The following TOM1L2 variants were observed in gnomAD, a reference collection of about 807,000 sequenced individuals.
The protein encoded by TOM1L2 is TOM1-like protein 2.
A neutral mutation model predicts 67.9 loss-of-function variants in TOM1L2; 31 were observed. That is an observed-to-expected ratio of 0.46 (90% CI 0.34 to 0.62). TOM1L2 has a LOEUF of 0.62. Among genes scored for constraint, TOM1L2 ranks in the 20% least tolerant of loss-of-function variants. The probability of loss-of-function intolerance (pLI) is 0.01; values close to 1 mark genes in which losing one functional copy is unlikely to be tolerated. For missense variants in TOM1L2, 606 were observed against 663.5 expected (o/e 0.91, Z 0.95); for synonymous variants, 256 against 254.0 (o/e 1.01, Z -0.07).
At chr17:17,893,897 A>G in intron 3 of TOM1L2, 87 bp from the exon 4 acceptor site, 4 of 1,385,204 alleles carry the variant, frequency 2.9e-6, no homozygotes, top group Non-Finnish European at 4.0e-6. Flanking sequence ...AGTTTCCACC[A>G]TCCCCTCTGT....
At position 17,861,483 on chromosome 17, in the gene TOM1L2, G is replaced by C; in HGVS notation, c.1271C>G (p.Ser424Ter). The C allele has an allele frequency of 5.6e-6, 9 of 1,613,994 alleles. No individual in the cohort carries two copies. The highest frequency in any genetic ancestry group is 7.6e-6 in the Non-Finnish European group (9 of 1,179,954). ...ASALDNRKQS[S>*]EGIPVAQPSV... ...ACAGGGTTAAAGACCTACCCCTTCT[G>C]AACTCTGTTTTCGATTGTCTAGTGC... The change falls in exon 12 of 15, where the codon TCA (serine) becomes TGA (stop). Residue 424 changes from serine to a stop codon, truncating the protein, a stop_gained. Coordinates refer to ENST00000379504, the MANE Select transcript of TOM1L2 (RefSeq NM_001082968.2). LOFTEE classifies it high-confidence loss of function.
intron 1 of TOM1L2, among the ~76,000 whole-genome samples, chr17:17,955,972 C>T (rs1249222437): frequency 6.6e-6 from 1 of 152,166 alleles, no homozygotes; most frequent in Non-Finnish European, 1.5e-5. Flanking sequence ...CCAATGGGTT[C>T]GTGGTCTGCG....
At chr17:17,937,183 T>C (rs1193242283) in intron 1 of TOM1L2, among the ~76,000 whole-genome samples, 1 of 152,242 alleles carries the variant, frequency 6.6e-6, no homozygotes, top group Non-Finnish European at 1.5e-5. Flanking sequence ...TCCAGAGTTA[T>C]CTGGCAGGCT....
At chr17:17,931,536 T>C (rs1053245857) in intron 1 of TOM1L2, among the ~76,000 whole-genome samples, 11 of 152,142 alleles carry the variant, frequency 7.2e-5, no homozygotes, top group African/African-American at 2.2e-4. Context: ...GCTGGCACAA[T>C]AGAGACTTGG....
chr17:17,870,544 G>A (rs2037098533), intron 7 of TOM1L2, among the ~76,000 whole-genome samples: 1 of 152,198 alleles, frequency 6.6e-6, no homozygotes, highest in African/African-American at 2.4e-5. Flanking sequence ...CCTGGGCACT[G>A]GAGGGTGCCA....
intron 8 of TOM1L2, 34 bp downstream of exon 8, chr17:17,869,306 G>GA: frequency 6.4e-7 from 1 of 1,559,628 alleles, no homozygotes; most frequent in Non-Finnish European, 8.7e-7. Flanking sequence ...ATCTTTTCAA[G>GA]GGAAAAAAAA....
intron 1 of TOM1L2, among the ~76,000 whole-genome samples, chr17:17,968,506 A>G (rs1597489119): frequency 2.0e-5 from 3 of 152,168 alleles, no homozygotes; most frequent in Middle Eastern, 6.8e-3. Flanking sequence ...CTCTACTAAA[A>G]ATACAAAAAT....
rs2035698935 is a variant in TOM1L2 at position 17,847,365 on chromosome 17, G to T, written c.*270C>A. On this transcript the variant is annotated 3_prime_UTR_variant, in exon 15 of 15. Coordinates refer to ENST00000379504, the MANE Select transcript of TOM1L2 (RefSeq NM_001082968.2). ...GCACTGCCTGGGGCTGGGCCACTCT[G>T]CCCGCTCTTCCTGGGAGGAAACATG... is the stretch of plus-strand genomic sequence containing the variant. The T allele has an allele frequency of 2.0e-6, 1 of 503,346 alleles. No individual in the cohort carries two copies. The highest frequency in any genetic ancestry group is 3.5e-6 in the Non-Finnish European group (1 of 282,646). The allele number at this position is 503,346 out of a possible 1,614,324, so 31.2% of individuals were successfully genotyped here. A position where few individuals can be genotyped will look rare whatever the true frequency, so the allele number is the denominator to read the frequency against.
Position 17,943,221 on chromosome 17 carries a change from G to A in TOM1L2, c.52+29041C>T, listed in dbSNP as rs575321226. 3.3e-5 allele frequency among the ~76,000 whole-genome samples: 5 copies of A among 152,238 alleles called. No homozygotes were observed. In the East Asian group the frequency reaches 9.6e-4, roughly 29 times the overall value. On this transcript the variant is annotated intron_variant, in intron 1 of 14. Transcript: ENST00000379504. ...AAGGCAGAAGCAGGTCTCAAACTGG[G>A]GTATGTTCTGTCCCCAAATTCTGAG... is the stretch of plus-strand genomic sequence containing the variant.
In TOM1L2 at chr17:17,862,726, C is replaced by T; in HGVS notation, c.1202+5G>A. 3 of 1,612,254 alleles carry T rather than the reference C, an allele frequency of 1.9e-6. No homozygotes were observed. Among genetic ancestry groups the T allele is most frequent in the Non-Finnish European group, 2.5e-6 (3 of 1,179,616 alleles). On this transcript the variant is annotated splice_donor_5th_base_variant and intron_variant, in intron 11 of 14. Coordinates refer to ENST00000379504, the MANE Select transcript of TOM1L2 (RefSeq NM_001082968.2). ...TAGAGAGCCACTAAAAGGGGCCCCACATACGTCTTGCGCTGCTCAGCCAAG... is the reference window on the plus strand; with the variant it reads ...TAGAGAGCCACTAAAAGGGGCCCCATATACGTCTTGCGCTGCTCAGCCAAG...
intron 2 of TOM1L2, among the ~76,000 whole-genome samples, chr17:17,902,028 T>A (rs959019802): frequency 6.6e-6 from 1 of 152,002 alleles, no homozygotes; most frequent in South Asian, 2.1e-4. Context: ...AATACAAAAT[T>A]AGCCGGGCGT....
rs376234563 is a variant in TOM1L2 at position 17,871,050 on chromosome 17, A to G, written c.778-1577T>C. Among the ~76,000 whole-genome samples the G allele has an allele frequency of 3.3e-5, 5 of 152,208 alleles. No individual in the cohort carries two copies. The East Asian group carries it at 7.7e-4, about 23-fold the overall frequency. On this transcript the variant is annotated intron_variant, in intron 7 of 14. Transcript: ENST00000379504. ...GGGAGGCTCTCCCCAAGTACTTCTGAGAGAATTAATTAATGACTCTAAAGT... is the reference window on the plus strand; with the variant it reads ...GGGAGGCTCTCCCCAAGTACTTCTGGGAGAATTAATTAATGACTCTAAAGT...
At chr17:17,942,294 A>G (rs1396500522) in intron 1 of TOM1L2, among the ~76,000 whole-genome samples, 1 of 152,140 alleles carries the variant, frequency 6.6e-6, no homozygotes, top group East Asian at 1.9e-4. Flanking sequence ...ATTAATAAAT[A>G]GCAGTAATAA....
intron 1 of TOM1L2, among the ~76,000 whole-genome samples, chr17:17,961,988 A>C (rs1473482523): frequency 6.6e-6 from 1 of 152,266 alleles, no homozygotes; most frequent in African/African-American, 2.4e-5. Flanking sequence ...TCAATGGAAG[A>C]ATGAATAAAC....
At chr17:17,968,019 G>A (rs945193864) in intron 1 of TOM1L2, among the ~76,000 whole-genome samples, 1 of 152,176 alleles carries the variant, frequency 6.6e-6, no homozygotes, top group African/African-American at 2.4e-5. Context: ...GGTCTTAGCC[G>A]CTAACTTGAG....
chr17:17,970,093 C>T (rs1456150167), intron 1 of TOM1L2, among the ~76,000 whole-genome samples: 2 of 152,068 alleles, frequency 1.3e-5, no homozygotes, highest in African/African-American at 2.4e-5. Context: ...CTCACTCTGT[C>T]GCCCAGGCTG....
intron 7 of TOM1L2, among the ~76,000 whole-genome samples, chr17:17,874,643 G>A (rs1463213091): frequency 6.6e-6 from 1 of 152,186 alleles, no homozygotes; most frequent in African/African-American, 2.4e-5. Flanking sequence ...CCTCAGCTTG[G>A]AGGAAGAATG....
chr17:17,896,274 G>A (rs938700219), intron 3 of TOM1L2, among the ~76,000 whole-genome samples: 5 of 152,104 alleles, frequency 3.3e-5, no homozygotes, highest in African/African-American at 1.2e-4. Context: ...CAAGGCAGAT[G>A]GCAAGAAGTA....
At chr17:17,955,400 G>A (rs1448131499) in intron 1 of TOM1L2, among the ~76,000 whole-genome samples, 1 of 142,134 alleles carries the variant, frequency 7.0e-6, no homozygotes, top group East Asian at 2.1e-4. Context: ...GTACAGTGAC[G>A]ACATCTCTGC....
Sources: allele counts gnomAD v4.1 joint callset (sites outside exome capture counted in the v4.1 genomes callset), GRCh38; gene constraint gnomAD v4.1.1; transcripts MANE v1.5; gene names NCBI Gene and HGNC (gene_info 2026-07-23, HGNC 2026-07-21).